The following TRAF3IP2 variants were observed in gnomAD, a reference collection of about 807,000 sequenced individuals.
TRAF3IP2 encodes TRAF3 interacting protein 2, also known as E3 ubiquitin ligase TRAF3IP2.
A neutral mutation model predicts 57.9 loss-of-function variants in TRAF3IP2; 35 were observed. The observed-to-expected ratio is 0.60, with a 90% CI of 0.46 to 0.80. The LOEUF is 0.80. Among genes scored for constraint, TRAF3IP2 ranks in the 30% least tolerant of loss-of-function variants. The pLI is 0.00. For synonymous variants in TRAF3IP2, 251 were observed against 268.9 expected (o/e 0.93, Z 0.65); for missense variants, 556 against 706.4 (o/e 0.79, Z 2.41).
Position 111,557,424 on chromosome 6 carries a change from GTTTTTTTTTTTTT to G in TRAF3IP2, c.*1968_*1980del, listed in dbSNP as rs397888583. The stretch of plus-strand genomic sequence containing the variant: ...TTATCAACCTGAGGGTATTGTTGAA[GTTTTTTTTTTTTT>G]TTTTTTTTTTGAGACGGAGTCTCAC... On this transcript the variant is annotated 3_prime_UTR_variant, in exon 9 of 9. Coordinates refer to ENST00000368761, the MANE Select transcript of TRAF3IP2 (RefSeq NM_147686.4). 1.0e-5 allele frequency: 1 copy of G among 97,354 alleles called. No individual in the cohort carries two copies. Among genetic ancestry groups the G allele is most frequent in the Non-Finnish European group, 1.9e-5 (1 of 53,062 alleles). 6.0% of individuals were successfully genotyped at this position (97,354 alleles called of 1,614,324 possible).
chr6:111,570,974 C>T (rs1050192023), intron 5 of TRAF3IP2, among the ~76,000 whole-genome samples: 2 of 151,564 alleles, frequency 1.3e-5, no homozygotes, highest in Non-Finnish European at 2.9e-5. Flanking sequence ...TGGTGTGATG[C>T]CGGCTTACTA....
At chr6:111,574,762 G>T (rs924588684) in intron 4 of TRAF3IP2, 1 of 152,140 alleles carries the variant, frequency 6.6e-6, no homozygotes, top group Non-Finnish European at 1.5e-5. Context: ...AAGGCACTGG[G>T]GTTATTTGTT....
chr6:111,559,704 T>G (rs1003432139), intron 8 of TRAF3IP2, among the ~76,000 whole-genome samples, 153 bp from the exon 9 acceptor site: 1 of 152,208 alleles, frequency 6.6e-6, no homozygotes, highest in African/African-American at 2.4e-5. Flanking sequence ...TTTGGAAAGG[T>G]TTAGCATGTG....
chr6:111,589,104 C>G, intron 2 of TRAF3IP2, among the ~76,000 whole-genome samples: 1 of 132,710 alleles, frequency 7.5e-6, no homozygotes, highest in South Asian at 2.4e-4. Context: ...TGGAGTCTCA[C>G]TGTGTCATCG....
At chr6:111,588,311 C>T (rs898351516) in intron 2 of TRAF3IP2, among the ~76,000 whole-genome samples, 1 of 152,108 alleles carries the variant, frequency 6.6e-6, no homozygotes, top group South Asian at 2.1e-4. Flanking sequence ...GATGTCTCTC[C>T]CCAACCCCCT....
chr6:111,585,897 G>C (rs374960008), intron 2 of TRAF3IP2, among the ~76,000 whole-genome samples: 1 of 152,154 alleles, frequency 6.6e-6, no homozygotes, highest in Non-Finnish European at 1.5e-5. Flanking sequence ...GAGTACACAC[G>C]ATCTTCATGT....
At chr6:111,573,046 T>A in intron 4 of TRAF3IP2, 63 bp from the exon 5 acceptor site, 1 of 1,259,726 alleles carries the variant, frequency 7.9e-7, no homozygotes, top group Non-Finnish European at 1.1e-6. Flanking sequence ...AACAAACTTC[T>A]AAATTATATG....
At chr6:111,575,602 AAAAAAAG>A (rs1562424614) in intron 4 of TRAF3IP2, 34 bp downstream of exon 4, 11 of 1,567,704 alleles carry the variant, frequency 7.0e-6, no homozygotes, top group Non-Finnish European at 4.3e-6. Flanking sequence ...AAAAAAAAAA[AAAAAAAG>A]AGGAAGGAGA....
chr6:111,583,890 C>T (rs940267278), intron 2 of TRAF3IP2, among the ~76,000 whole-genome samples: 1 of 152,034 alleles, frequency 6.6e-6, no homozygotes, highest in Non-Finnish European at 1.5e-5. Context: ...TTGGTTTAAT[C>T]GGTGTCTCCC....
intron 2 of TRAF3IP2, among the ~76,000 whole-genome samples, chr6:111,584,533 A>C (rs1796271002): frequency 6.6e-6 from 1 of 152,106 alleles, no homozygotes; most frequent in Non-Finnish European, 1.5e-5. Flanking sequence ...TAGGCTGGAC[A>C]CGCCTGTAAT....
At chr6:111,588,956 T>C (rs1251840648) in intron 2 of TRAF3IP2, among the ~76,000 whole-genome samples, 1 of 152,134 alleles carries the variant, frequency 6.6e-6, no homozygotes, top group African/African-American at 2.4e-5. Context: ...AAAACCCTAA[T>C]AAGGAATTCT....
At chr6:111,601,137 T>C in intron 1 of TRAF3IP2, 1 of 731,458 alleles carries the variant, frequency 1.4e-6, no homozygotes, top group South Asian at 1.4e-5. Context: ...AGAAAGGGGA[T>C]GGGGAAGCCA....
chr6:111,585,774 C>T (rs1422011679), intron 2 of TRAF3IP2, among the ~76,000 whole-genome samples: 2 of 152,198 alleles, frequency 1.3e-5, no homozygotes, highest in Non-Finnish European at 2.9e-5. Flanking sequence ...AGCATGGTAA[C>T]TCCTCAGTTC....
intron 2 of TRAF3IP2, among the ~76,000 whole-genome samples, chr6:111,589,919 G>C (rs886865476): frequency 3.3e-5 from 5 of 152,152 alleles, no homozygotes; most frequent in African/African-American, 1.2e-4. Context: ...TTTTAAAGCT[G>C]CGCATCAGGC....
intron 1 of TRAF3IP2, among the ~76,000 whole-genome samples, chr6:111,593,385 A>G (rs941252573): frequency 5.3e-5 from 8 of 152,338 alleles, no homozygotes; most frequent in African/African-American, 1.4e-4. Flanking sequence ...TTCGGAGAGC[A>G]TGAATTCACT....
chr6:111,566,616 G>A (rs1795646834), intron 6 of TRAF3IP2, 56 bp from the exon 7 acceptor site: 1 of 1,486,346 alleles, frequency 6.7e-7, no homozygotes, highest in Non-Finnish European at 9.4e-7. Flanking sequence ...AGGACTGTGG[G>A]CATTCTCTGA....
chr6:111,558,998 C>G lies in TRAF3IP2; in HGVS notation c.*407G>C, dbSNP rs553365128. On this transcript the variant is annotated 3_prime_UTR_variant, in exon 9 of 9. Transcript: ENST00000368761. The stretch of plus-strand genomic sequence containing the variant: ...TGAATCAGTTTGGTCTGAGGATACA[C>G]AAGCATCTGGCTAACTCATAAAAGT... 1.0e-3 allele frequency: 167 copies of G among 160,628 alleles called. No homozygotes were observed. The highest frequency in any genetic ancestry group is 3.7e-3 in the African/African-American group (153 of 41,912). 10.0% of individuals were successfully genotyped at this position (160,628 alleles called of 1,614,324 possible). A position where few individuals can be genotyped will look rare whatever the true frequency, so the allele number is the denominator to read the frequency against.
intron 3 of TRAF3IP2, 68 bp from the exon 4 acceptor site, chr6:111,575,889 C>T: frequency 6.9e-7 from 1 of 1,455,598 alleles, no homozygotes; most frequent in Non-Finnish European, 9.4e-7. Context: ...GACAGAAAGA[C>T]TTTTAGAACT....
chr6:111,599,511 TC>T (rs1796800890), intron 1 of TRAF3IP2, among the ~76,000 whole-genome samples: 1 of 152,170 alleles, frequency 6.6e-6, no homozygotes. Context: ...TGACAGATTT[TC>T]CCATGCTTCA....
Sources: allele counts gnomAD v4.1 joint callset (sites outside exome capture counted in the v4.1 genomes callset), GRCh38; gene constraint gnomAD v4.1.1; transcripts MANE v1.5; gene names NCBI Gene and HGNC (gene_info 2026-07-23, HGNC 2026-07-21).